NCOA1: variants seen among roughly 807,000 people sequenced by gnomAD.
NCOA1 encodes the protein Hin-2 protein.
In NCOA1, 35 loss-of-function variants were observed where a neutral mutation model predicts 150.9. The observed-to-expected ratio is 0.23, with a 90% CI of 0.18 to 0.31. NCOA1 has a LOEUF of 0.31. NCOA1 is among the 10% of genes least tolerant of loss of function. NCOA1 has a pLI of 1.00. For synonymous variants in NCOA1, 590 were observed against 630.0 expected (o/e 0.94, Z 0.95); for missense variants, 1,491 against 1,749.3 (o/e 0.85, Z 2.63).
At chr2:24,738,088 T>C (rs550329991) in intron 17 of NCOA1, among the ~76,000 whole-genome samples, 1 of 152,184 alleles carries the variant, frequency 6.6e-6, no homozygotes, top group African/African-American at 2.4e-5. Flanking sequence ...ATTTTAACAT[T>C]TATATTATAA....
rs542281400 is a variant in NCOA1, at chr2:24,502,725, A to G, written c.-396+11123A>G. The stretch of plus-strand genomic sequence containing the variant: ...ACATCTCTTGAGCTTTTCTCTTTCT[A>G]CCTCTTTATATGTTATTTTCCAAGG... On this transcript the variant is annotated intron_variant, in intron 1 of 22. Coordinates refer to ENST00000348332, the MANE Select transcript of NCOA1 (RefSeq NM_003743.5). 2.0e-5 allele frequency among the ~76,000 whole-genome samples: 3 copies of G among 151,912 alleles called. 1 individual carries two copies. Among genetic ancestry groups the G allele is most frequent in the South Asian group, 4.2e-4 (2 of 4,808 alleles).
chr2:24,726,232 T>C (rs952221224), intron 14 of NCOA1, among the ~76,000 whole-genome samples: 21 of 152,176 alleles, frequency 1.4e-4, no homozygotes, highest in Admixed American at 8.5e-4. Flanking sequence ...GTGATGACAC[T>C]GTGTTACTTA....
At chr2:24,570,227 G>T (rs1411849364) in intron 2 of NCOA1, among the ~76,000 whole-genome samples, 1 of 151,956 alleles carries the variant, frequency 6.6e-6, no homozygotes, top group African/African-American at 2.4e-5. Flanking sequence ...GAACAAGAAA[G>T]AAACCAGCTG....
Position 24,666,173 on chromosome 2 carries a change from G to A in NCOA1, c.256+258G>A, listed in dbSNP as rs55961945. Among the ~76,000 whole-genome samples, 83 of 151,568 alleles carry A rather than the reference G, an allele frequency of 5.5e-4. 1 individual carries two copies. Among genetic ancestry groups the A allele is most frequent in the East Asian group, 4.1e-3 (21 of 5,144 alleles). On this transcript the variant is annotated intron_variant, in intron 6 of 22. Coordinates refer to ENST00000348332, the MANE Select transcript of NCOA1 (RefSeq NM_003743.5). ...ACTACAGGCGCCTGCCACTATACCT[G>A]GCTGATCTTTTTGTATTTTTTTAGT...
intron 3 of NCOA1, among the ~76,000 whole-genome samples, chr2:24,613,863 G>A (rs1382158647): frequency 1.3e-5 from 2 of 152,186 alleles, no homozygotes; most frequent in Non-Finnish European, 2.9e-5. Flanking sequence ...AAGCAGAGAA[G>A]GTCCTGCTGC....
At chr2:24,534,722 G>A (rs1434590355) in intron 1 of NCOA1, among the ~76,000 whole-genome samples, 1 of 152,132 alleles carries the variant, frequency 6.6e-6, no homozygotes. Flanking sequence ...TAGTCATTCA[G>A]GAGCAGTTTT....
In NCOA1 at chr2:24,762,775, A is replaced by G; in HGVS notation, c.4154A>G (p.Gln1385Arg). Residue 1385 changes from glutamine (Q) to arginine (R), a missense_variant and splice_region_variant, in exon 22 of 23, where the codon CAG becomes CGG. Coordinates refer to ENST00000348332, the MANE Select transcript of NCOA1 (RefSeq NM_003743.5). ...DLLKTEADGT[Q>R]QVQQVQVFAD... ...CTCAAAACAGAAGCAGATGGAACCC[A>G]GGTCAGTAAGGAAATTCTAAGCCCA... 1 of 1,612,594 alleles carries G rather than the reference A, an allele frequency of 6.2e-7. No individual in the cohort carries two copies. Among genetic ancestry groups the G allele is most frequent in the South Asian group, 1.1e-5 (1 of 91,040 alleles).
chr2:24,596,524 A>G (rs760788403), intron 3 of NCOA1, among the ~76,000 whole-genome samples: 1 of 152,126 alleles, frequency 6.6e-6, no homozygotes, highest in South Asian at 2.1e-4. Context: ...TGTTTTATTT[A>G]CCATTTTGTA....
intron 2 of NCOA1, among the ~76,000 whole-genome samples, chr2:24,565,126 G>A (rs1162664728): frequency 6.6e-6 from 1 of 152,170 alleles, no homozygotes; most frequent in African/African-American, 2.4e-5. Flanking sequence ...AAAGAATCAG[G>A]TGACACTTCC....
chr2:24,527,165 A>G (rs529959490), intron 1 of NCOA1, among the ~76,000 whole-genome samples: 1 of 152,314 alleles, frequency 6.6e-6, no homozygotes, highest in East Asian at 1.9e-4. Flanking sequence ...CTGTTTCCCC[A>G]TGGTAAGAGC....
At chr2:24,754,159 C>T (rs1365486532) in intron 20 of NCOA1, among the ~76,000 whole-genome samples, 2 of 152,126 alleles carry the variant, frequency 1.3e-5, no homozygotes, top group African/African-American at 4.8e-5. Context: ...TCATCTTTTC[C>T]CTGGGCCATT....
At chr2:24,566,986 G>A (rs1181469578) in intron 2 of NCOA1, among the ~76,000 whole-genome samples, 1 of 152,226 alleles carries the variant, frequency 6.6e-6, no homozygotes, top group Non-Finnish European at 1.5e-5. Flanking sequence ...ACCCAGGAGG[G>A]CGGGCCTTCT....
intron 14 of NCOA1, among the ~76,000 whole-genome samples, chr2:24,718,681 C>T (rs1572636569): frequency 7.0e-6 from 1 of 142,682 alleles, no homozygotes; most frequent in Admixed American, 7.1e-5. Flanking sequence ...AAAAAAAATA[C>T]AAAACTAGGC....
At chr2:24,704,527 A>G (rs990698794) in intron 11 of NCOA1, among the ~76,000 whole-genome samples, 1 of 152,194 alleles carries the variant, frequency 6.6e-6, no homozygotes, top group Admixed American at 6.5e-5. Context: ...CTGTAATCAC[A>G]GCACTTTGGG....
At chr2:24,545,539 T>G (rs1665572768) in intron 1 of NCOA1, among the ~76,000 whole-genome samples, 1 of 152,170 alleles carries the variant, frequency 6.6e-6, no homozygotes, top group South Asian at 2.1e-4. Flanking sequence ...AAGTGGAACT[T>G]AACCCCCCAC....
intron 16 of NCOA1, among the ~76,000 whole-genome samples, chr2:24,728,780 C>T (rs1268277505): frequency 6.6e-6 from 1 of 152,214 alleles, no homozygotes; most frequent in Non-Finnish European, 1.5e-5. Flanking sequence ...TCACGCTTGT[C>T]TTCTGCCAGT....
intron 1 of NCOA1, among the ~76,000 whole-genome samples, chr2:24,522,731 G>A (rs1023980137): frequency 1.3e-5 from 2 of 152,278 alleles, no homozygotes; most frequent in Middle Eastern, 3.4e-3. Context: ...GATTTTCAAC[G>A]ATGGAAAAGA....
intron 1 of NCOA1, among the ~76,000 whole-genome samples, chr2:24,536,614 A>G (rs1217803614): frequency 6.6e-6 from 1 of 151,662 alleles, no homozygotes; most frequent in African/African-American, 2.4e-5. Flanking sequence ...TTTAATGTTG[A>G]TGACTTACAG....
At chr2:24,576,170 G>GTTTTTTTTTTTTT (rs869093026) in intron 2 of NCOA1, among the ~76,000 whole-genome samples, 6 of 46,298 alleles carry the variant, frequency 1.3e-4, no homozygotes, top group East Asian at 6.8e-4. Flanking sequence ...TTTGTTTTTT[G>GTTTTTTTTTTTTT]TTTTTTTTTT....
Sources: gnomAD v4.1 joint callset for allele counts (sites outside exome capture counted in the v4.1 genomes callset) on GRCh38, gnomAD v4.1.1 for gene constraint, MANE v1.5 for transcripts, NCBI Gene and HGNC (gene_info 2026-07-23, HGNC 2026-07-21) for gene names.